The following KYAT3 variants were observed in gnomAD, a reference collection of about 807,000 sequenced individuals.
The protein encoded by KYAT3 is kynurenine aminotransferase 3, also known as kynurenine--oxoglutarate transaminase 3.
In KYAT3, 50 loss-of-function variants were observed where a neutral mutation model predicts 59.0. That is an observed-to-expected ratio of 0.85 (90% CI 0.68 to 1.07). KYAT3 has a LOEUF of 1.07. Ranked by LOEUF, KYAT3 falls within the 50% of genes least tolerant of loss-of-function variation. The pLI, the probability that KYAT3 is intolerant of heterozygous loss-of-function variation, is 0.00. For missense variants in KYAT3, 497 were observed against 533.3 expected, an observed-to-expected ratio of 0.93 and a Z score of 0.67; for synonymous variants, 148 against 177.0, an observed-to-expected ratio of 0.84 and a Z score of 1.30.
downstream of KYAT3, among the ~76,000 whole-genome samples, chr1:88,932,142 G>C (rs754071054): frequency 6.6e-6 from 1 of 152,172 alleles, no homozygotes; most frequent in Non-Finnish European, 1.5e-5. Context: ...TAGTATTACA[G>C]AATACTGTCT....
chr1:88,974,465 CTCTCTT>C (rs1321026751), intron 2 of KYAT3, among the ~76,000 whole-genome samples: 3 of 134,632 alleles, frequency 2.2e-5, no homozygotes, highest in Admixed American at 8.3e-5. Context: ...TTTGGTGTCT[CTCTCTT>C]TTTTTTTTTT....
At chr1:88,953,272 T>C (rs1356515403) in intron 9 of KYAT3, 120 bp from the exon 10 acceptor site, 3 of 676,008 alleles carry the variant, frequency 4.4e-6, no homozygotes, top group African/African-American at 3.6e-5. Flanking sequence ...TGGCTGGGTA[T>C]GGTGACTCAC....
chr1:88,961,501 A>G lies in KYAT3; in HGVS notation c.546T>C (p.Pro182=), dbSNP rs772609239. ...AACTAGACCATCTTTTTCCATAAACAGGTTTCTAAGCATGAAGAATGAAGA... is the reference window on the plus strand; with the variant it reads ...AACTAGACCATCTTTTTCCATAAACGGGTTTCTAAGCATGAAGAATGAAGA... ...TPVFIPLRSK[P]VYGKRWSSSD... is the part of the protein sequence containing the mutation. The change falls in exon 7 of 14, where the codon CCT becomes CCC. Residue 182 remains proline (P), a synonymous_variant. Transcript: ENST00000260508. 1.2e-6 allele frequency: 2 copies of G among 1,609,882 alleles called. No individual in the cohort carries two copies. Among genetic ancestry groups the G allele is most frequent in the African/African-American group, 2.7e-5 (2 of 74,762 alleles).
At chr1:88,942,371 A>G (rs1231086089) in intron 13 of KYAT3, among the ~76,000 whole-genome samples, 2 of 151,872 alleles carry the variant, frequency 1.3e-5, no homozygotes, top group Non-Finnish European at 2.9e-5. Context: ...CTTGTCTGCT[A>G]ATTTCTAGAT....
Position 88,936,076 on chromosome 1 carries a change from A to T in KYAT3, c.*107T>A. On this transcript the variant is annotated 3_prime_UTR_variant, in exon 14 of 14. Transcript: ENST00000260508. Reference sequence around the variant, plus strand: ...CTTTGGAAAAACAATGGAAATATTTAAATTCCAGTTGTACTGAAATACCTT... The same window carrying T: ...CTTTGGAAAAACAATGGAAATATTTTAATTCCAGTTGTACTGAAATACCTT... 1 of 733,098 alleles carries T rather than the reference A, an allele frequency of 1.4e-6. No individual in the cohort carries two copies. The highest frequency in any genetic ancestry group is 2.2e-6 in the Non-Finnish European group (1 of 446,052). The allele number at this position is 733,098 out of a possible 1,614,324, so 45.4% of individuals were successfully genotyped here. A position where few individuals can be genotyped will look rare whatever the true frequency, so the allele number is the denominator to read the frequency against.
chr1:88,965,462 G>A (rs1557694597), intron 4 of KYAT3, among the ~76,000 whole-genome samples: 2 of 152,146 alleles, frequency 1.3e-5, no homozygotes, highest in Non-Finnish European at 2.9e-5. Flanking sequence ...GAACACTAGT[G>A]TTGATGTGAT....
At chr1:88,922,171 C>G in the KYAT3 span, among the ~76,000 whole-genome samples, 1 of 152,074 alleles carries the variant, frequency 6.6e-6, no homozygotes, top group East Asian at 1.9e-4. Context: ...ATAATTGCAC[C>G]ACTGCACCAC....
At chr1:88,963,002 G>C (rs910422666) in intron 5 of KYAT3, among the ~76,000 whole-genome samples, 4 of 125,520 alleles carry the variant, frequency 3.2e-5, no homozygotes, top group African/African-American at 1.3e-4. Context: ...TTTTTTTTTT[G>C]AGAATATTTA....
intron 11 of KYAT3, among the ~76,000 whole-genome samples, chr1:88,944,084 G>C (rs1675345857): frequency 6.6e-6 from 1 of 151,648 alleles, no homozygotes; most frequent in South Asian, 2.1e-4. Flanking sequence ...GTTTGCTCTT[G>C]CCTCAATTTT....
intron 13 of KYAT3, among the ~76,000 whole-genome samples, chr1:88,937,176 A>G (rs954655788): frequency 6.6e-6 from 1 of 152,142 alleles, no homozygotes; most frequent in Non-Finnish European, 1.5e-5. Flanking sequence ...TCTGTGTAGT[A>G]GGTGACAGTG....
intron 4 of KYAT3, among the ~76,000 whole-genome samples, chr1:88,967,976 A>G (rs1676408063): frequency 6.6e-6 from 1 of 152,122 alleles, no homozygotes; most frequent in Non-Finnish European, 1.5e-5. Flanking sequence ...AGATCTATGA[A>G]GAGCAGGGAT....
chr1:88,938,867 A>G (rs1441364113), intron 13 of KYAT3, among the ~76,000 whole-genome samples: 2 of 152,230 alleles, frequency 1.3e-5, no homozygotes, highest in African/African-American at 2.4e-5. Flanking sequence ...GTTGTTTACA[A>G]TATTTTGCTA....
the KYAT3 span, among the ~76,000 whole-genome samples, chr1:88,926,965 C>T: frequency 1.3e-5 from 2 of 152,148 alleles, no homozygotes; most frequent in South Asian, 2.1e-4. Flanking sequence ...CAATGTTGGG[C>T]ACGCTGGTAA....
chr1:88,968,579 T>C, intron 4 of KYAT3, 91 bp downstream of exon 4: 1 of 1,048,826 alleles, frequency 9.5e-7, no homozygotes, highest in Non-Finnish European at 1.3e-6. Flanking sequence ...GTCACTTATA[T>C]ATGAATGACA....
At chr1:88,923,789 C>T in the KYAT3 span, 1 of 268,428 alleles carries the variant, frequency 3.7e-6, no homozygotes, top group Non-Finnish European at 7.4e-6. Context: ...ACTAAGAGTC[C>T]AGGAGAGCCA....
chr1:88,976,002 C>T (rs1676774555), intron 2 of KYAT3, among the ~76,000 whole-genome samples: 2 of 151,634 alleles, frequency 1.3e-5, no homozygotes, highest in South Asian at 4.2e-4. Context: ...CCACTGCATT[C>T]CAGCCTGGGT....
At chr1:88,956,317 C>T (rs1675913897) in intron 8 of KYAT3, among the ~76,000 whole-genome samples, 2 of 152,210 alleles carry the variant, frequency 1.3e-5, no homozygotes, top group South Asian at 2.1e-4. Context: ...TTTGGAATTA[C>T]ACATATATTT....
chr1:88,985,778 T>C (rs763011715), intron 2 of KYAT3, among the ~76,000 whole-genome samples: 1 of 152,036 alleles, frequency 6.6e-6, no homozygotes, highest in African/African-American at 2.4e-5. Flanking sequence ...ACTCAGAAAG[T>C]AGGAAAGATT....
the KYAT3 span, chr1:88,923,972 A>AGGACACT: frequency 6.2e-6 from 1 of 161,606 alleles, no homozygotes; most frequent in East Asian, 1.9e-4. Context: ...TTATGGCAGA[A>AGGACACT]TTCAACGAAA....
Sources: gnomAD v4.1 joint callset for allele counts (sites outside exome capture counted in the v4.1 genomes callset) on GRCh38, gnomAD v4.1.1 for gene constraint, MANE v1.5 for transcripts, NCBI Gene and HGNC (gene_info 2026-07-23, HGNC 2026-07-21) for gene names.